Variants in PAM observed in about 807,000 individuals in gnomAD.
PAM encodes the protein peptidyl-glycine alpha-amidating monooxygenase.
In PAM, 72 loss-of-function variants were observed where a neutral mutation model predicts 122.1. That is an observed-to-expected ratio of 0.59 (90% CI 0.49 to 0.72). The LOEUF (loss-of-function observed/expected upper bound fraction) is 0.72, where lower values mean the gene tolerates loss of function less well. Ranked by LOEUF, PAM falls within the 30% of genes least tolerant of loss-of-function variation. PAM has a pLI of 0.00. For missense variants in PAM, 1,106 were observed against 1,183.7 expected (o/e 0.93, Z 0.96); for synonymous variants, 389 against 404.4 (o/e 0.96, Z 0.46).
At chr5:102,940,289 A>G (rs956272031) in intron 7 of PAM, among the ~76,000 whole-genome samples, 1 of 151,652 alleles carries the variant, frequency 6.6e-6, no homozygotes, top group Non-Finnish European at 1.5e-5. Flanking sequence ...AAGCTCTTCA[A>G]TCCCTTTTCA....
At chr5:102,974,641 A>T in intron 15 of PAM, 1 of 422,152 alleles carries the variant, frequency 2.4e-6, no homozygotes, top group South Asian at 6.3e-5. Context: ...TACTGCATAA[A>T]TTTAGTGTCT....
At chr5:102,831,625 A>T (rs1775473638) in intron 1 of PAM, among the ~76,000 whole-genome samples, 1 of 152,126 alleles carries the variant, frequency 6.6e-6, no homozygotes, top group Non-Finnish European at 1.5e-5. Flanking sequence ...GTTAGGAATG[A>T]TATAGCTATA....
intron 1 of PAM, among the ~76,000 whole-genome samples, chr5:102,829,375 T>A (rs200459057): frequency 2.1e-5 from 3 of 141,228 alleles, no homozygotes; most frequent in Admixed American, 6.9e-5. Context: ...TTTTTTTTTT[T>A]TTTTTTTTTT....
chr5:102,950,858 A>T, intron 12 of PAM, 38 bp downstream of exon 12: 8 of 1,241,878 alleles, frequency 6.4e-6, no homozygotes, highest in Non-Finnish European at 9.5e-6. Flanking sequence ...AAGATATTTT[A>T]TTGGGATAAG....
intron 1 of PAM, among the ~76,000 whole-genome samples, chr5:102,774,112 A>G (rs1239891510): frequency 6.6e-6 from 1 of 152,020 alleles, no homozygotes; most frequent in African/African-American, 2.4e-5. Context: ...ATCCAGTCTG[A>G]TTGATGAACA....
At position 102,908,047 on chromosome 5, in the gene PAM, C is replaced by T. The variant is rs112786739; in HGVS notation, c.269-5887C>T. ...GTGTTTTGGACATGAAGTCCTTGCCCATGCCTATGTCCTGAATGATATTGC... is the reference window on the plus strand; with the variant it reads ...GTGTTTTGGACATGAAGTCCTTGCCTATGCCTATGTCCTGAATGATATTGC... On this transcript the variant is annotated intron_variant, in intron 4 of 25. Coordinates refer to ENST00000438793, the MANE Select transcript of PAM (RefSeq NM_001177306.2). Among the ~76,000 whole-genome samples, 817 of 152,128 alleles carry T rather than the reference C, an allele frequency of 5.4e-3. 6 individuals are homozygous for T. The highest frequency in any genetic ancestry group is 0.019 in the African/African-American group (779 of 41,502).
chr5:103,006,864 C>G lies in PAM; in HGVS notation c.1867C>G (p.Pro623Ala). ...ATTAATCCTGGGAAGGAGCATGCAACCAGGCAGTGACCAGAATCACTTCTG... is the reference window on the plus strand; with the variant it reads ...ATTAATCCTGGGAAGGAGCATGCAAGCAGGCAGTGACCAGAATCACTTCTG... The part of the protein sequence containing the change: ...PVLILGRSMQ[P>A]GSDQNHFCQP... The change falls in exon 19 of 26, where the codon CCA becomes GCA. Residue 623 changes from proline to alanine, a missense_variant. By Grantham distance (27) the Pro-to-Ala change is conservative (BLOSUM62 -1). This residue lies in a region of PAM where 103 missense variants were observed against 157.9 expected (regional missense o/e 0.65). Coordinates refer to ENST00000438793, the MANE Select transcript of PAM (RefSeq NM_001177306.2). The G allele has an allele frequency of 1.2e-6, 2 of 1,613,942 alleles. No individual in the cohort carries two copies. The highest frequency in any genetic ancestry group is 1.1e-5 in the South Asian group (1 of 91,066).
intron 7 of PAM, among the ~76,000 whole-genome samples, chr5:102,934,200 C>T (rs772672024): frequency 3.3e-5 from 5 of 152,128 alleles, no homozygotes; most frequent in African/African-American, 4.8e-5. Flanking sequence ...CTGACATAGA[C>T]GTCCAAAAGC....
chr5:102,941,831 T>TAA (rs1491296621), intron 7 of PAM, among the ~76,000 whole-genome samples: 2 of 12,828 alleles, frequency 1.6e-4, no homozygotes, highest in Admixed American at 1.3e-3. Context: ...ATCCAGATGG[T>TAA]ACAAAAAAAA....
In PAM at chr5:102,949,550, C is replaced by T. The variant is rs1285619147; in HGVS notation, c.657C>T (p.Asp219=). 3 of 1,521,554 alleles carry T rather than the reference C, an allele frequency of 2.0e-6. No homozygotes were observed. The African/African-American group carries it at 4.1e-5, about 21-fold the overall frequency. The allele number at this position is 1,521,554 out of a possible 1,614,324, so 94.3% of individuals were successfully genotyped here. A position where few individuals can be genotyped will look rare whatever the true frequency, so the allele number is the denominator to read the frequency against. Residue 219 remains aspartate (D), a synonymous_variant, in exon 10 of 26, where the codon GAC becomes GAT. Transcript: ENST00000438793. Reference sequence around the variant, plus strand: ...CATTTCCCACAGTGGTGAATTCTGACATTTCATGCCATTATAAAAATTATC... The same window carrying T: ...CATTTCCCACAGTGGTGAATTCTGATATTTCATGCCATTATAAAAATTATC... ...IPAGEKVVNS[D]ISCHYKNYPM...
intron 1 of PAM, among the ~76,000 whole-genome samples, chr5:102,861,246 C>T (rs1784111225): frequency 6.6e-6 from 1 of 152,178 alleles, no homozygotes; most frequent in Non-Finnish European, 1.5e-5. Context: ...CTAAGCTTTT[C>T]CTGATACACA....
intron 3 of PAM, among the ~76,000 whole-genome samples, chr5:102,894,987 T>C (rs73175426): frequency 0.015 from 2,184 of 149,284 alleles, 43 homozygotes; most frequent in African/African-American, 0.053. Flanking sequence ...CCATGTCATT[T>C]TCCTACAAAA....
In PAM at chr5:102,925,571, C is replaced by T. The variant is rs777443129; in HGVS notation, c.442+529C>T. Among the ~76,000 whole-genome samples, 8 of 152,120 alleles carry T rather than the reference C, an allele frequency of 5.3e-5. 1 individual carries two copies. The highest frequency in any genetic ancestry group is 4.1e-4 in the South Asian group (2 of 4,828). On this transcript the variant is annotated intron_variant, in intron 6 of 25. Coordinates refer to ENST00000438793, the MANE Select transcript of PAM (RefSeq NM_001177306.2). ...TGGGTCTGTTACAGAATAGGTCTGT[C>T]GTGGTTCATGGATGATCTCGTGATA...
chr5:103,010,443 T>C (rs964688829), intron 21 of PAM, among the ~76,000 whole-genome samples: 1 of 152,218 alleles, frequency 6.6e-6, no homozygotes, highest in Non-Finnish European at 1.5e-5. Flanking sequence ...ACACAGCAAC[T>C]GTGTTCAGTG....
chr5:103,006,907 C>A lies in PAM; in HGVS notation c.1910C>A (p.Ala637Asp). ...CACTTCTGTCAACCCACTGATGTGG[C>A]TGTGGATCCAGGCACTGGAGCCATT... ...QNHFCQPTDVAVDPGTGAIYV... is the reference protein window; with the variant it reads ...QNHFCQPTDVDVDPGTGAIYV... The change falls in exon 19 of 26, where the codon GCT becomes GAT. Residue 637 changes from alanine (A) to aspartate (D), a missense_variant. Ala to Asp is a moderately radical substitution (Grantham distance 126). Around this residue, in one of 3 missense-constraint regions of PAM, gnomAD observed 103 missense variants for 157.9 expected, o/e 0.65. Transcript: ENST00000438793. The A allele has an allele frequency of 1.9e-6, 3 of 1,613,608 alleles. No homozygotes were observed. The South Asian group carries it at 3.3e-5, about 18-fold the overall frequency.
chr5:102,959,599 C>T (rs1195042385), intron 12 of PAM, among the ~76,000 whole-genome samples: 2 of 151,986 alleles, frequency 1.3e-5, no homozygotes, highest in African/African-American at 4.8e-5. Context: ...GTACCATATT[C>T]CCTCATCTAC....
chr5:102,834,415 A>G (rs746245887), intron 1 of PAM, among the ~76,000 whole-genome samples: 37 of 152,328 alleles, frequency 2.4e-4, no homozygotes, highest in Non-Finnish European at 4.7e-4. Context: ...AGAGAAGTCA[A>G]CAAAACATAT....
At chr5:102,863,993 G>A (rs996663721) in intron 1 of PAM, among the ~76,000 whole-genome samples, 4 of 151,240 alleles carry the variant, frequency 2.6e-5, no homozygotes, top group African/African-American at 7.3e-5. Flanking sequence ...AAAGAGATAA[G>A]TGGAATATTT....
chr5:102,961,112 T>C (rs1337845282), intron 13 of PAM, 46 bp from the exon 14 acceptor site: 1 of 932,030 alleles, frequency 1.1e-6, no homozygotes, highest in African/African-American at 1.6e-5. Context: ...TTTAAGTATG[T>C]AATACATACT....
Sources: allele counts gnomAD v4.1 joint callset (sites outside exome capture counted in the v4.1 genomes callset), GRCh38; gene constraint gnomAD v4.1.1; regional missense constraint gnomAD v4.1.1; transcripts MANE v1.5; gene names NCBI Gene and HGNC (gene_info 2026-07-23, HGNC 2026-07-21).